The following EPHA5 variants were observed in gnomAD, a reference collection of about 807,000 sequenced individuals.
EPHA5 encodes the protein EPH receptor A5.
In EPHA5, 60 loss-of-function variants were observed where a neutral mutation model predicts 105.0. The ratio of observed to expected loss-of-function variants is 0.57; its 90% CI spans 0.46 to 0.71. The LOEUF is 0.71. EPHA5 is among the 30% of genes least tolerant of loss of function. The probability of loss-of-function intolerance (pLI) is 0.00; values close to 1 mark genes in which losing one functional copy is unlikely to be tolerated. For synonymous variants in EPHA5, 513 were observed against 449.1 expected (o/e 1.14, Z -1.80); for missense variants, 1,218 against 1,274.7 (o/e 0.96, Z 0.68).
At chr4:65,568,079 C>G (rs1255758256) in intron 3 of EPHA5, among the ~76,000 whole-genome samples, 1 of 151,474 alleles carries the variant, frequency 6.6e-6, no homozygotes, top group Non-Finnish European at 1.5e-5. Context: ...TGTAAAGGCT[C>G]TCTCTTGTTT....
chr4:65,512,220 A>T (rs1451134425), intron 3 of EPHA5, among the ~76,000 whole-genome samples: 1 of 152,180 alleles, frequency 6.6e-6, no homozygotes, highest in Non-Finnish European at 1.5e-5. Context: ...AAATGCACCA[A>T]ATTCATCATT....
At chr4:65,427,950 A>G in intron 5 of EPHA5, among the ~76,000 whole-genome samples, 1 of 152,156 alleles carries the variant, frequency 6.6e-6, no homozygotes. Flanking sequence ...CCCACAGACT[A>G]CATATATATT....
chr4:65,357,267 A>G (rs1723390737), intron 11 of EPHA5, among the ~76,000 whole-genome samples: 1 of 151,460 alleles, frequency 6.6e-6, no homozygotes, highest in African/African-American at 2.4e-5. Flanking sequence ...GGTTCAATAT[A>G]TTACTCGGGT....
chr4:65,546,685 T>C (rs1737402831), intron 3 of EPHA5, among the ~76,000 whole-genome samples: 1 of 152,060 alleles, frequency 6.6e-6, no homozygotes, highest in Non-Finnish European at 1.5e-5. Flanking sequence ...GTCACATTAA[T>C]AGTAATGACT....
At chr4:65,632,859 G>GA (rs1451518460) in intron 2 of EPHA5, among the ~76,000 whole-genome samples, 1 of 151,956 alleles carries the variant, frequency 6.6e-6, no homozygotes, top group Non-Finnish European at 1.5e-5. Context: ...GCTGTACCTT[G>GA]AAAAAATGAT....
chr4:65,603,671 A>T (rs1053578362), intron 2 of EPHA5, among the ~76,000 whole-genome samples: 5 of 152,156 alleles, frequency 3.3e-5, no homozygotes, highest in Non-Finnish European at 7.4e-5. Context: ...CTAATGAGGT[A>T]AAACTGTTGA....
At chr4:65,564,696 A>G (rs1367721490) in intron 3 of EPHA5, among the ~76,000 whole-genome samples, 1 of 151,754 alleles carries the variant, frequency 6.6e-6, no homozygotes, top group Admixed American at 6.6e-5. Flanking sequence ...GAACTTCCCA[A>G]CGTTACAAGG....
intron 3 of EPHA5, among the ~76,000 whole-genome samples, chr4:65,502,933 TA>T (rs1178498305): frequency 9.2e-5 from 14 of 151,624 alleles, no homozygotes; most frequent in African/African-American, 2.9e-4. Flanking sequence ...TACACAACCA[TA>T]AAAAAAGAAC....
At chr4:65,433,870 C>G (rs529727282) in intron 5 of EPHA5, among the ~76,000 whole-genome samples, 1 of 152,024 alleles carries the variant, frequency 6.6e-6, no homozygotes, top group Admixed American at 6.6e-5. Context: ...ATGGCGAAAC[C>G]CCGTCTCTAA....
At chr4:65,643,646 T>C (rs1747862470) in intron 1 of EPHA5, among the ~76,000 whole-genome samples, 1 of 151,540 alleles carries the variant, frequency 6.6e-6, no homozygotes, top group Admixed American at 6.6e-5. Flanking sequence ...CAAAATTCTC[T>C]GAAAGCAAAT....
intron 5 of EPHA5, among the ~76,000 whole-genome samples, chr4:65,482,095 T>G (rs981880250): frequency 4.9e-4 from 75 of 152,164 alleles, no homozygotes; most frequent in African/African-American, 1.7e-3. Flanking sequence ...GTCAGGAGTT[T>G]GAGACCAGCA....
rs1750011574 is a variant in EPHA5, at chr4:65,666,890, T to C, written c.181+2672A>G. ...ATCTAACAAAGTTAAATTTAAGAAA[T>C]GACTAGAATAGCAGCTATGAATATA... On this transcript the variant is annotated intron_variant, in intron 1 of 16. Transcript: ENST00000613740. 2.0e-5 allele frequency among the ~76,000 whole-genome samples: 3 copies of C among 152,160 alleles called. No individual in the cohort carries two copies. The South Asian group carries it at 6.2e-4, about 32-fold the overall frequency.
intron 3 of EPHA5, chr4:65,574,317 T>C (rs1740563143): frequency 9.2e-6 from 14 of 1,522,410 alleles, no homozygotes; most frequent in Middle Eastern, 2.4e-4. Context: ...TCCTCACAAA[T>C]TGGTGTTCTA....
At chr4:65,653,831 A>T (rs1748825403) in intron 1 of EPHA5, among the ~76,000 whole-genome samples, 1 of 152,106 alleles carries the variant, frequency 6.6e-6, no homozygotes, top group Admixed American at 6.6e-5. Flanking sequence ...CTTATTAATT[A>T]CTCATATCCT....
intron 2 of EPHA5, among the ~76,000 whole-genome samples, chr4:65,634,761 T>C (rs975891291): frequency 1.3e-5 from 2 of 152,068 alleles, no homozygotes; most frequent in Admixed American, 6.6e-5. Flanking sequence ...TTTACCCACT[T>C]CAGCATTACT....
chr4:65,578,087 A>T (rs1252246734), intron 3 of EPHA5, among the ~76,000 whole-genome samples: 1 of 152,164 alleles, frequency 6.6e-6, no homozygotes, highest in Non-Finnish European at 1.5e-5. Flanking sequence ...TCTTTATATC[A>T]GTATACCTAT....
chr4:65,400,637 C>A (rs1721722164), intron 8 of EPHA5, among the ~76,000 whole-genome samples: 1 of 151,994 alleles, frequency 6.6e-6, no homozygotes, highest in South Asian at 2.1e-4. Flanking sequence ...ATTAAAAAGT[C>A]TCTATATTTG....
chr4:65,520,436 C>A (rs141201090), intron 3 of EPHA5, among the ~76,000 whole-genome samples: 1,634 of 152,202 alleles, frequency 0.011, 32 homozygotes, highest in African/African-American at 0.037. Flanking sequence ...AGAAGAAAAC[C>A]TAAGCAATAC....
chr4:65,628,487 C>G (rs1746342677), intron 2 of EPHA5, among the ~76,000 whole-genome samples: 1 of 152,000 alleles, frequency 6.6e-6, no homozygotes, highest in African/African-American at 2.4e-5. Context: ...CATTAAGTTT[C>G]CTGATATTAG....
Sources: gnomAD v4.1 joint callset for allele counts (sites outside exome capture counted in the v4.1 genomes callset) on GRCh38, gnomAD v4.1.1 for gene constraint, MANE v1.5 for transcripts, NCBI Gene and HGNC (gene_info 2026-07-23, HGNC 2026-07-21) for gene names.